Variants in CHRM3 observed in about 807,000 individuals in gnomAD.
The protein encoded by CHRM3 is cholinergic receptor muscarinic 3.
In CHRM3, 11 loss-of-function variants were observed where a neutral mutation model predicts 41.8. The ratio of observed to expected loss-of-function variants is 0.26; its 90% CI spans 0.17 to 0.44. The LOEUF (loss-of-function observed/expected upper bound fraction) is 0.44. Among genes scored for constraint, CHRM3 ranks in the 20% least tolerant of loss-of-function variants. CHRM3 has a pLI of 1.00. For missense variants in CHRM3, 571 were observed against 745.4 expected (o/e 0.77, Z 2.72); for synonymous variants, 297 against 301.4 (o/e 0.99, Z 0.15).
chr1:239,584,696 G>A (rs72756788), intron 3 of CHRM3, among the ~76,000 whole-genome samples: 4,656 of 152,130 alleles, frequency 0.031, 88 homozygotes, highest in Middle Eastern at 0.061. Context: ...GGGTGGCTTG[G>A]GATTCAAGGG....
chr1:239,500,618 A>T (rs565248176), intron 2 of CHRM3, among the ~76,000 whole-genome samples: 4 of 151,606 alleles, frequency 2.6e-5, no homozygotes, highest in Admixed American at 6.6e-5. Flanking sequence ...AAGTATAATT[A>T]AAAAAAAATA....
chr1:239,758,544 A>G (rs80228033), intron 5 of CHRM3, among the ~76,000 whole-genome samples: 9,471 of 152,236 alleles, frequency 0.062, 720 homozygotes, highest in African/African-American at 0.17. Flanking sequence ...AATGATTCCA[A>G]ATGTATCCAA....
chr1:239,902,996 G>A (rs1274409128), intron 6 of CHRM3, among the ~76,000 whole-genome samples: 2 of 152,186 alleles, frequency 1.3e-5, no homozygotes, highest in African/African-American at 4.8e-5. Context: ...ATGTCAAAGT[G>A]TAAGAAGAAT....
At chr1:239,538,676 T>C (rs1658445353) in intron 2 of CHRM3, among the ~76,000 whole-genome samples, 1 of 152,334 alleles carries the variant, frequency 6.6e-6, no homozygotes, top group Admixed American at 6.5e-5. Context: ...GGAATAAATA[T>C]AGGAGTTAAT....
At chr1:239,566,166 C>T (rs973684880) in intron 3 of CHRM3, among the ~76,000 whole-genome samples, 5 of 152,104 alleles carry the variant, frequency 3.3e-5, no homozygotes, top group Non-Finnish European at 7.3e-5. Flanking sequence ...CTCCCGCCCT[C>T]TCTCCTAGCG....
At chr1:239,521,589 C>T (rs546119236) in intron 2 of CHRM3, among the ~76,000 whole-genome samples, 7 of 152,086 alleles carry the variant, frequency 4.6e-5, no homozygotes, top group East Asian at 1.9e-4. Flanking sequence ...TACAATACTA[C>T]GTGAATTATG....
At chr1:239,489,639 A>G (rs1241244867) in intron 1 of CHRM3, among the ~76,000 whole-genome samples, 1 of 152,064 alleles carries the variant, frequency 6.6e-6, no homozygotes, top group Non-Finnish European at 1.5e-5. Flanking sequence ...GTGATACTTT[A>G]TGTTTTTTGC....
rs371167532 is a variant in CHRM3 at position 239,661,951 on chromosome 1, G to T, written c.-249-16235G>T. The stretch of plus-strand genomic sequence containing the variant: ...TTTATAGGAACTCTCTGTAGTTTCT[G>T]TTCTACTTTTCTGCAAACCTAAAAC... On this transcript the variant is annotated intron_variant, in intron 4 of 6. Transcript: ENST00000676153. 3.3e-5 allele frequency among the ~76,000 whole-genome samples: 5 copies of T among 152,072 alleles called. No individual in the cohort carries two copies. In the East Asian group the frequency reaches 7.7e-4, roughly 23 times the overall value.
chr1:239,441,679 G>A (rs958088243), intron 1 of CHRM3, among the ~76,000 whole-genome samples: 9 of 152,160 alleles, frequency 5.9e-5, no homozygotes, highest in Middle Eastern at 3.2e-3. Context: ...GATAAAATAA[G>A]GCACTGAAGA....
chr1:239,401,078 G>A (rs1248124984), intron 1 of CHRM3, among the ~76,000 whole-genome samples: 1 of 152,126 alleles, frequency 6.6e-6, no homozygotes, highest in Non-Finnish European at 1.5e-5. Flanking sequence ...GAAAATCAAA[G>A]TTGATTCTGG....
chr1:239,637,787 T>C (rs1670645412), intron 4 of CHRM3, among the ~76,000 whole-genome samples: 1 of 151,226 alleles, frequency 6.6e-6, no homozygotes, highest in Non-Finnish European at 1.5e-5. Flanking sequence ...TTATTATACT[T>C]TAAGTTTTAG....
In CHRM3 at chr1:239,907,415, CTT is replaced by C. The variant is rs1023550238; in HGVS notation, c.-19-17_-19-16del. The C allele has an allele frequency of 1.9e-6, 3 of 1,570,560 alleles. No individual in the cohort carries two copies. The highest frequency in any genetic ancestry group is 1.4e-5 in the African/African-American group (1 of 73,412). ...GGCAGAAATTTTTCTAACTCTGTCT[CTT>C]CTCTCTTTCCCCCAGACTATGTCAG... On this transcript the variant is annotated splice_polypyrimidine_tract_variant and intron_variant, in intron 6 of 6. Transcript: ENST00000676153. The surrounding 1 kb of genome is among the most constrained non-coding windows in gnomAD (Gnocchi z 5.4).
intron 3 of CHRM3, among the ~76,000 whole-genome samples, chr1:239,557,201 C>A (rs2148472370): frequency 6.6e-6 from 1 of 152,256 alleles, no homozygotes; most frequent in Non-Finnish European, 1.5e-5. Flanking sequence ...GCTCAGCTGG[C>A]TGCTGAATAA....
At chr1:239,602,733 T>C (rs1391508037) in intron 3 of CHRM3, among the ~76,000 whole-genome samples, 15 of 152,184 alleles carry the variant, frequency 9.9e-5, no homozygotes, top group Admixed American at 9.8e-4. Flanking sequence ...TTATAAACTT[T>C]GCTTTTTCAA....
chr1:239,766,463 C>A (rs1237289920), intron 5 of CHRM3, among the ~76,000 whole-genome samples: 1 of 152,012 alleles, frequency 6.6e-6, no homozygotes, highest in African/African-American at 2.4e-5. Context: ...ATCTATACAA[C>A]AAACCCCCAT....
rs750207504 is a variant in CHRM3 at position 239,554,729 on chromosome 1, C to CTT, written c.-313+8998_-313+8999dup. On this transcript the variant is annotated intron_variant, in intron 3 of 6. Coordinates refer to ENST00000676153, the MANE Select transcript of CHRM3 (RefSeq NM_001375978.1). ...TTTAAATTGGTTCATGTATTTCTTT[C>CTT]TTTTTTTTTTTTTTTTTTTAGATGG... Among the ~76,000 whole-genome samples, 174 of 122,950 alleles carry CTT rather than the reference C, an allele frequency of 1.4e-3. 3 individuals carry two copies. Among genetic ancestry groups the CTT allele is most frequent in the East Asian group, 3.6e-3 (15 of 4,222 alleles). 80.7% of individuals were successfully genotyped at this position (122,950 alleles called of 152,430 possible).
chr1:239,404,428 AAG>A (rs1249268029), intron 1 of CHRM3, among the ~76,000 whole-genome samples: 5 of 113,666 alleles, frequency 4.4e-5, no homozygotes, highest in African/African-American at 1.6e-4. Flanking sequence ...GAAAGAAAGA[AAG>A]AAAGAAAGAA....
chr1:239,774,585 A>G (rs565055124), intron 5 of CHRM3, among the ~76,000 whole-genome samples: 102 of 152,320 alleles, frequency 6.7e-4, no homozygotes, highest in Middle Eastern at 3.4e-3. Context: ...CAACAATGAC[A>G]CACATTTCAT....
At chr1:239,601,096 C>T (rs1311934459) in intron 3 of CHRM3, among the ~76,000 whole-genome samples, 1 of 152,178 alleles carries the variant, frequency 6.6e-6, no homozygotes, top group African/African-American at 2.4e-5. Context: ...GATTATATAA[C>T]TTCTTAAGTG....
Sources: allele counts gnomAD v4.1 joint callset (sites outside exome capture counted in the v4.1 genomes callset), GRCh38; gene constraint gnomAD v4.1.1; non-coding constraint Gnocchi (gnomAD v3.1); transcripts MANE v1.5; gene names NCBI Gene and HGNC (gene_info 2026-07-23, HGNC 2026-07-21).